Variants in DGKG observed in about 807,000 individuals in gnomAD.
DGKG encodes DAG kinase gamma.
In DGKG, 78 loss-of-function variants were observed where a neutral mutation model predicts 105.3. The observed-to-expected ratio is 0.74, with a 90% CI of 0.62 to 0.89. The LOEUF is 0.89. DGKG is among the 40% of genes least tolerant of loss of function. The pLI, the probability that DGKG is intolerant of heterozygous loss-of-function variation, is 0.00. For synonymous variants in DGKG, 346 were observed against 367.1 expected, an observed-to-expected ratio of 0.94 and a Z score of 0.66; for missense variants, 958 against 1,020.1, an observed-to-expected ratio of 0.94 and a Z score of 0.83.
intron 20 of DGKG, among the ~76,000 whole-genome samples, chr3:186,235,350 G>T (rs1179532069): frequency 6.6e-6 from 1 of 152,226 alleles, no homozygotes; most frequent in Non-Finnish European, 1.5e-5. Flanking sequence ...GGAAGCAGGT[G>T]CAGACAGTCT....
intron 1 of DGKG, among the ~76,000 whole-genome samples, chr3:186,337,608 A>T (rs1212057367): frequency 1.3e-5 from 2 of 152,192 alleles, no homozygotes; most frequent in Admixed American, 6.5e-5. Context: ...GTCTCAGTCT[A>T]TGAGAGATCC....
intron 24 of DGKG, chr3:186,158,404 C>T: frequency 1.0e-6 from 1 of 983,500 alleles, no homozygotes; most frequent in South Asian, 4.7e-5. Context: ...TGGCTTTGAT[C>T]TCCTCATAAA....
In DGKG at chr3:186,339,172, T is replaced by C. The variant is rs914963248; in HGVS notation, c.-248-18465A>G. ...CAATGGGCAATTATGCTTGTGCATT[T>C]ATCAAGCTTTTAGTATGTTTAAAAT... On this transcript the variant is annotated intron_variant, in intron 1 of 24. Coordinates refer to ENST00000265022, the MANE Select transcript of DGKG (RefSeq NM_001346.3). 3.3e-5 allele frequency among the ~76,000 whole-genome samples: 5 copies of C among 152,346 alleles called. No individual in the cohort carries two copies. The East Asian group carries it at 9.6e-4, about 29-fold the overall frequency.
At chr3:186,348,767 C>T (rs534835087) in intron 1 of DGKG, among the ~76,000 whole-genome samples, 14 of 152,054 alleles carry the variant, frequency 9.2e-5, no homozygotes, top group Non-Finnish European at 2.1e-4. Context: ...TATCTTACTA[C>T]CCCCAAATTC....
chr3:186,211,553 A>T (rs534835429), intron 21 of DGKG, among the ~76,000 whole-genome samples: 1 of 152,328 alleles, frequency 6.6e-6, no homozygotes, highest in South Asian at 2.1e-4. Flanking sequence ...GAGGGCTGGA[A>T]TGAAGTGTGG....
intron 1 of DGKG, among the ~76,000 whole-genome samples, chr3:186,341,149 G>A (rs1411778877): frequency 6.6e-6 from 1 of 152,252 alleles, no homozygotes; most frequent in Non-Finnish European, 1.5e-5. Context: ...CTTGGGAATA[G>A]GGATAATGTT....
intron 22 of DGKG, among the ~76,000 whole-genome samples, chr3:186,183,076 A>G (rs1433806741): frequency 2.6e-5 from 4 of 152,172 alleles, no homozygotes; most frequent in African/African-American, 7.2e-5. Context: ...CAGAATTTCA[A>G]CAAGGAGTTG....
chr3:186,222,668 C>A (rs1020354914), intron 20 of DGKG, among the ~76,000 whole-genome samples: 5 of 151,738 alleles, frequency 3.3e-5, no homozygotes, highest in Non-Finnish European at 7.4e-5. Context: ...CATGGTGACA[C>A]CCTGTCTCTA....
At chr3:186,225,676 G>C (rs1432235362) in intron 20 of DGKG, among the ~76,000 whole-genome samples, 1 of 152,002 alleles carries the variant, frequency 6.6e-6, no homozygotes, top group African/African-American at 2.4e-5. Context: ...ACTCAGGCTA[G>C]AGTTCTCACC....
intron 5 of DGKG, among the ~76,000 whole-genome samples, chr3:186,293,259 C>T (rs1245871357): frequency 6.6e-6 from 1 of 152,236 alleles, no homozygotes; most frequent in Non-Finnish European, 1.5e-5. Flanking sequence ...TAAAAATCCT[C>T]GGTGCTTTGC....
rs1717735910 is a variant in DGKG, at chr3:186,188,256, G to A, written c.2041C>T (p.Arg681Trp). 1.9e-6 allele frequency: 3 copies of A among 1,614,084 alleles called. No individual in the cohort carries two copies. In the African/African-American group the frequency reaches 4.0e-5, roughly 22 times the overall value. Residue 681 changes from arginine to tryptophan, a missense_variant, in exon 22 of 25, where the codon CGG becomes TGG. By Grantham distance (101) the Arg-to-Trp change is moderately radical. Coordinates refer to ENST00000265022, the MANE Select transcript of DGKG (RefSeq NM_001346.3). ...GENKKNRAVI[R>W]ESRKGVTDPK... The stretch of plus-strand genomic sequence containing the variant: ...TCAGTGACACCCTTCCTGCTTTCCC[G>A]GATCACAGCCCGGTTCTTCTTGTTT...
intron 1 of DGKG, among the ~76,000 whole-genome samples, chr3:186,355,425 G>A (rs1456011784): frequency 9.1e-6 from 1 of 109,806 alleles, no homozygotes; most frequent in African/African-American, 3.6e-5. Flanking sequence ...CCACCACCAT[G>A]AACACTACTC....
intron 6 of DGKG, among the ~76,000 whole-genome samples, chr3:186,287,687 CA>C: frequency 1.3e-5 from 2 of 152,356 alleles, no homozygotes; most frequent in South Asian, 4.1e-4. Context: ...AAATCTGCTA[CA>C]TTTGCCACCA....
intron 1 of DGKG, among the ~76,000 whole-genome samples, chr3:186,327,705 C>A (rs1428231241): frequency 6.6e-6 from 1 of 152,018 alleles, no homozygotes. Context: ...GCCTCTGTGC[C>A]TGGCTTCCCT....
rs1719856466 is a variant in DGKG at position 186,226,313 on chromosome 3, T to A, written c.1827-14428A>T. Among the ~76,000 whole-genome samples, 1 of 152,236 alleles carries A rather than the reference T, an allele frequency of 6.6e-6. No individual in the cohort carries two copies. Among genetic ancestry groups the A allele is most frequent in the Non-Finnish European group, 1.5e-5 (1 of 68,048 alleles). On this transcript the variant is annotated intron_variant, in intron 20 of 24. Transcript: ENST00000265022. This position sits in a 1 kb window ranked among gnomAD's most constrained non-coding sequence, Gnocchi z 4.2. The stretch of plus-strand genomic sequence containing the variant: ...AGCTGTTAACCATTTCATTTTTCTT[T>A]AGTGCAATTTTTACCAGTTGTGGAG...
intron 23 of DGKG, among the ~76,000 whole-genome samples, chr3:186,164,555 C>T (rs1716445807): frequency 6.6e-6 from 1 of 152,212 alleles, no homozygotes; most frequent in Non-Finnish European, 1.5e-5. Flanking sequence ...TGGCATCCCT[C>T]TGCCATCTAT....
intron 7 of DGKG, among the ~76,000 whole-genome samples, chr3:186,283,503 C>G (rs1722921735): frequency 6.6e-6 from 1 of 152,184 alleles, no homozygotes; most frequent in Non-Finnish European, 1.5e-5. Context: ...CCTCGGCGAC[C>G]CTCGCTAAAG....
chr3:186,257,695 T>G, intron 17 of DGKG, 159 bp downstream of exon 17: 2 of 584,868 alleles, frequency 3.4e-6, no homozygotes, highest in Non-Finnish European at 6.1e-6. Context: ...TTTTTTTTTT[T>G]TTCCACCCAA....
At chr3:186,301,880 T>A (rs1055999796) in intron 3 of DGKG, among the ~76,000 whole-genome samples, 2 of 152,202 alleles carry the variant, frequency 1.3e-5, no homozygotes, top group Non-Finnish European at 2.9e-5. Flanking sequence ...TGTAGTTACT[T>A]CAAGCTCTGA....
Sources: gnomAD v4.1 joint callset for allele counts (sites outside exome capture counted in the v4.1 genomes callset) on GRCh38, gnomAD v4.1.1 for gene constraint, Gnocchi (gnomAD v3.1) non-coding constraint, MANE v1.5 for transcripts, NCBI Gene and HGNC (gene_info 2026-07-23, HGNC 2026-07-21) for gene names.